Variants in CLDN14 observed in about 807,000 individuals in gnomAD.
CLDN14 encodes claudin 14.
A neutral mutation model predicts 2.1 loss-of-function variants in CLDN14; 2 were observed. The observed-to-expected ratio is 0.96, with a 90% CI of 0.39 to 3.01. CLDN14 has a LOEUF of 3.01. Among genes scored for constraint, CLDN14 ranks in the 30% most tolerant of loss-of-function variants. The pLI is 0.09. For missense variants in CLDN14, 298 were observed against 328.0 expected, an observed-to-expected ratio of 0.91 and a Z score of 0.71; for synonymous variants, 136 against 154.4, an observed-to-expected ratio of 0.88 and a Z score of 0.88.
intron 1 of CLDN14, among the ~76,000 whole-genome samples, chr21:36,525,420 G>A (rs758562930): frequency 3.3e-5 from 5 of 151,746 alleles, no homozygotes; most frequent in Non-Finnish European, 5.9e-5. Flanking sequence ...ACTTGAAGCT[G>A]GCAGCGAGGA....
intron 2 of CLDN14, among the ~76,000 whole-genome samples, chr21:36,489,131 A>AAAAATATATATATATATATATATATATAT: frequency 3.2e-5 from 2 of 62,748 alleles, no homozygotes; most frequent in Non-Finnish European, 3.0e-5. Flanking sequence ...AAAAAAAAAA[A>AAAAATATATATATATATATATATATATAT]ATATATATAT....
intron 2 of CLDN14, among the ~76,000 whole-genome samples, chr21:36,505,227 T>C (rs1601615427): frequency 6.6e-6 from 1 of 152,240 alleles, no homozygotes; most frequent in Non-Finnish European, 1.5e-5. Context: ...ATCAGGATTG[T>C]ATTTCATATG....
At chr21:36,567,841 C>A (rs1445266448) in intron 1 of CLDN14, among the ~76,000 whole-genome samples, 1 of 149,184 alleles carries the variant, frequency 6.7e-6, no homozygotes, top group East Asian at 1.9e-4. Flanking sequence ...CAAAGTCATT[C>A]ATTTTTTTTT....
intron 1 of CLDN14, chr21:36,542,697 C>T (rs879681245): frequency 2.0e-5 from 3 of 152,370 alleles, no homozygotes; most frequent in South Asian, 2.1e-4. Context: ...CCCAGAGGCC[C>T]CCCAGCAGCC....
At chr21:36,540,788 G>A (rs1242820812) in intron 1 of CLDN14, among the ~76,000 whole-genome samples, 1 of 152,196 alleles carries the variant, frequency 6.6e-6, no homozygotes, top group Non-Finnish European at 1.5e-5. Context: ...ATAGTTAGAT[G>A]TTTATTCTAA....
At chr21:36,484,583 C>T (rs2633334), upstream of CLDN14, among the ~76,000 whole-genome samples, 125,062 of 152,134 alleles carry the variant, frequency 0.82, 51,523 homozygotes, top group African/African-American at 0.84. Flanking sequence ...CATTCCTTGG[C>T]TTCCAGCATG....
rs2087078722 is a variant in CLDN14, at chr21:36,499,961, G to C, written c.-82+10402C>G. ...GAAGCCTGCCCCAGCCGCGCACACA[G>C]AGTCTACCTGTCTTCCAATGCGAGT... On this transcript the variant is annotated intron_variant, in intron 2 of 2. Coordinates refer to the CLDN14 transcript ENST00000342108. This position sits in a 1 kb window ranked among gnomAD's most constrained non-coding sequence, Gnocchi z 4.7. Among the ~76,000 whole-genome samples, 1 of 152,164 alleles carries C rather than the reference G, an allele frequency of 6.6e-6. No individual in the cohort carries two copies. The highest frequency in any genetic ancestry group is 2.1e-4 in the South Asian group (1 of 4,832).
intron 1 of CLDN14, among the ~76,000 whole-genome samples, chr21:36,548,311 G>A (rs1020488132): frequency 2.0e-5 from 3 of 152,142 alleles, no homozygotes; most frequent in African/African-American, 4.8e-5. Flanking sequence ...CCAATCTCCC[G>A]GCTGGGCCAT....
chr21:36,563,564 G>A (rs531516911), intron 1 of CLDN14, among the ~76,000 whole-genome samples: 20 of 152,286 alleles, frequency 1.3e-4, no homozygotes, highest in East Asian at 7.7e-4. Flanking sequence ...CCATAGGGCC[G>A]TCACTGATAA....
At position 36,567,631 on chromosome 21, in the gene CLDN14, A is replaced by C. The variant is rs371039857; in HGVS notation, c.-220+8780T>G. Among the ~76,000 whole-genome samples the C allele has an allele frequency of 3.9e-5, 6 of 152,146 alleles. No individual in the cohort carries two copies. In the East Asian group the frequency reaches 1.2e-3, roughly 29 times the overall value. ...GGTGAAAGCATTTTTGTAAACTGAG[A>C]ACAGTTTCCATTTAGTGCCCTGGGT... On this transcript the variant is annotated intron_variant, in intron 1 of 2. Coordinates refer to the CLDN14 transcript ENST00000342108.
chr21:36,547,763 A>T (rs537060314), intron 1 of CLDN14, among the ~76,000 whole-genome samples: 1 of 152,258 alleles, frequency 6.6e-6, no homozygotes, highest in South Asian at 2.1e-4. Context: ...GCCACAGGAT[A>T]AGGTCCACTC....
rs1309453126 is a variant in CLDN14 at position 36,461,609 on chromosome 21, G to T, written c.87C>A (p.His29Gln). The part of the protein sequence containing the change: ...VGTLITTILP[H>Q]WRRTAHVGTN... The stretch of plus-strand genomic sequence containing the variant: ...TGCCCACGTGCGCTGTCCTCCGCCA[G>T]TGCGGCAGGATGGTGGTGATCAACG... The change falls in exon 2 of 2, where the codon CAC becomes CAA. Residue 29 changes from histidine to glutamine, a missense_variant. Coordinates refer to ENST00000399135, the MANE Select transcript of CLDN14 (RefSeq NM_001146079.2). 6 of 1,604,412 alleles carry T rather than the reference G, an allele frequency of 3.7e-6. No individual in the cohort carries two copies. Among genetic ancestry groups the T allele is most frequent in the Non-Finnish European group, 5.1e-6 (6 of 1,175,976 alleles).
chr21:36,490,867 C>T (rs1038232713), intron 2 of CLDN14, among the ~76,000 whole-genome samples: 3 of 152,058 alleles, frequency 2.0e-5, no homozygotes, highest in African/African-American at 7.2e-5. Context: ...CTTTCTGCTC[C>T]TCCCAAACAC....
intron 1 of CLDN14, among the ~76,000 whole-genome samples, chr21:36,570,371 G>T (rs919271703): frequency 2.6e-5 from 4 of 152,166 alleles, no homozygotes; most frequent in Non-Finnish European, 4.4e-5. Flanking sequence ...AAAGGGAGGA[G>T]GGTATGATGA....
intron 1 of CLDN14, among the ~76,000 whole-genome samples, chr21:36,560,797 C>G (rs765921137): frequency 3.3e-4 from 41 of 125,488 alleles, no homozygotes; most frequent in Non-Finnish European, 5.8e-4. Flanking sequence ...TGGATCTGAT[C>G]TTCCTTAACA....
intron 2 of CLDN14, among the ~76,000 whole-genome samples, chr21:36,502,774 C>T (rs138023142): frequency 2.0e-3 from 297 of 152,270 alleles, no homozygotes; most frequent in African/African-American, 6.9e-3. Flanking sequence ...AATAAAGATA[C>T]GAGTTGTCTA....
At chr21:36,511,254 C>T (rs2146484830) in intron 1 of CLDN14, among the ~76,000 whole-genome samples, 1 of 152,174 alleles carries the variant, frequency 6.6e-6, no homozygotes, top group East Asian at 1.9e-4. Flanking sequence ...TAGTTAAGCA[C>T]ACCCTTTTCA....
chr21:36,573,843 G>A lies in CLDN14; in HGVS notation c.-220+2568C>T, dbSNP rs1222170364. 2.6e-5 allele frequency among the ~76,000 whole-genome samples: 4 copies of A among 151,938 alleles called. No homozygotes were observed. In the East Asian group the frequency reaches 7.7e-4, roughly 29 times the overall value. On this transcript the variant is annotated intron_variant, in intron 1 of 2. Transcript: ENST00000342108. ...TGACATTAAAACTTCAAATACCTAGGGATAAATCTAATAAAATATGTATAA... is the reference window on the plus strand; with the variant it reads ...TGACATTAAAACTTCAAATACCTAGAGATAAATCTAATAAAATATGTATAA...
intron 2 of CLDN14, among the ~76,000 whole-genome samples, chr21:36,489,332 T>C (rs1352014766): frequency 6.6e-6 from 1 of 151,846 alleles, no homozygotes; most frequent in Non-Finnish European, 1.5e-5. Context: ...TTGGAATGAA[T>C]GTTCTCAGAT....
Sources: allele counts gnomAD v4.1 joint callset (sites outside exome capture counted in the v4.1 genomes callset), GRCh38; gene constraint gnomAD v4.1.1; non-coding constraint Gnocchi (gnomAD v3.1); transcripts MANE v1.5; gene names NCBI Gene and HGNC (gene_info 2026-07-23, HGNC 2026-07-21).